ERICH5: variants seen among roughly 807,000 people sequenced by gnomAD.
The protein encoded by ERICH5 is glutamate-rich protein 5.
In ERICH5, 24 loss-of-function variants were observed where a neutral mutation model predicts 28.0. The observed-to-expected ratio is 0.86, with a 90% CI of 0.62 to 1.21. ERICH5 has a LOEUF of 1.21. Among genes scored for constraint, ERICH5 ranks in the 50% most tolerant of loss-of-function variants. The pLI, the probability that ERICH5 is intolerant of heterozygous loss-of-function variation, is 0.00. For missense variants in ERICH5, 421 were observed against 441.2 expected (o/e 0.95, Z 0.41); for synonymous variants, 163 against 157.6 (o/e 1.03, Z -0.25).
Position 98,093,302 on chromosome 8 carries a change from G to A in ERICH5, c.1094G>A (p.Gly365Glu), listed in dbSNP as rs1237155656. ...EGAETKEEET[G>E]EVVDLSAAT is the part of the protein sequence containing the mutation. ...GCTGAAACCAAAGAAGAAGAAACAGGAGAAGTGGTGGACCTTTCAGCAGCC... is the reference window on the plus strand; with the variant it reads ...GCTGAAACCAAAGAAGAAGAAACAGAAGAAGTGGTGGACCTTTCAGCAGCC... The change falls in exon 3 of 3, where the codon GGA becomes GAA. Residue 365 changes from glycine to glutamate, a missense_variant. Gly to Glu is a moderately conservative substitution (Grantham distance 98). Coordinates refer to ENST00000318528, the MANE Select transcript of ERICH5 (RefSeq NM_173549.3). 6.2e-7 allele frequency: 1 copy of A among 1,613,912 alleles called. No homozygotes were observed. Among genetic ancestry groups the A allele is most frequent in the Admixed American group, 1.7e-5 (1 of 60,008 alleles).
chr8:98,085,376 G>A (rs28649684), intron 1 of ERICH5, among the ~76,000 whole-genome samples: 16,444 of 151,558 alleles, frequency 0.11, 1,021 homozygotes, highest in East Asian at 0.26. Flanking sequence ...TGTTAGCCAG[G>A]ATGGTCTCGA....
chr8:98,089,973 C>T lies in ERICH5; in HGVS notation c.956C>T (p.Ala319Val). 6.2e-7 allele frequency: 1 copy of T among 1,613,988 alleles called. No homozygotes were observed. The highest frequency in any genetic ancestry group is 8.5e-7 in the Non-Finnish European group (1 of 1,180,008). ...CCAGCACGAAATGTAGAGGCAGGAG[C>T]ATATGTGGAAATGATCAGGAACATC... Reference protein sequence around the residue: ...EHPARNVEAGAYVEMIRNIHT... With the variant: ...EHPARNVEAGVYVEMIRNIHT... The change falls in exon 2 of 3, where the codon GCA becomes GTA. Residue 319 changes from alanine to valine, a missense_variant. Ala to Val is a moderately conservative substitution (Grantham distance 64). Transcript: ENST00000318528.
chr8:98,068,386 G>A (rs991042500), intron 1 of ERICH5, among the ~76,000 whole-genome samples: 1 of 152,200 alleles, frequency 6.6e-6, no homozygotes, highest in Non-Finnish European at 1.5e-5. Context: ...GCTCCTCACA[G>A]CGTAGAACAG....
intron 1 of ERICH5, among the ~76,000 whole-genome samples, chr8:98,086,118 T>C (rs1448114464): frequency 6.6e-6 from 1 of 152,176 alleles, no homozygotes; most frequent in Non-Finnish European, 1.5e-5. Flanking sequence ...TTTTGTGCCT[T>C]CCTGAAAAAC....
chr8:98,065,680 A>T (rs1814806845), intron 1 of ERICH5, among the ~76,000 whole-genome samples: 1 of 152,234 alleles, frequency 6.6e-6, no homozygotes. Flanking sequence ...CACTTTTCTT[A>T]GATTTTGAAT....
intron 1 of ERICH5, among the ~76,000 whole-genome samples, chr8:98,085,774 A>G (rs567461029): frequency 1.3e-4 from 20 of 152,254 alleles, no homozygotes; most frequent in African/African-American, 4.6e-4. Context: ...CAGCCGCACT[A>G]TCCTTTCCTG....
intron 1 of ERICH5, among the ~76,000 whole-genome samples, chr8:98,065,777 A>G (rs1266254953): frequency 6.6e-6 from 1 of 152,060 alleles, no homozygotes; most frequent in East Asian, 1.9e-4. Context: ...TTTAGCGGGG[A>G]TTTTGTACTG....
Position 98,093,259 on chromosome 8 carries a change from G to A in ERICH5, c.1051G>A (p.Glu351Lys), listed in dbSNP as rs1404789250. 2.5e-6 allele frequency: 4 copies of A among 1,614,088 alleles called. No individual in the cohort carries two copies. The highest frequency in any genetic ancestry group is 4.5e-5 in the East Asian group (2 of 44,874). Reference protein sequence around the residue: ...GEKVETDMENEKVSEGAETKE... With the variant: ...GEKVETDMENKKVSEGAETKE... ...AAAGGTGGAAACAGACATGGAGAAT[G>A]AGAAAGTGAGTGAAGGGGCTGAAAC... Residue 351 changes from glutamate (E) to lysine (K), a missense_variant, in exon 3 of 3, where the codon GAG becomes AAG. Physicochemically the swap from Glu to Lys is moderately conservative, Grantham distance 56. Coordinates refer to ENST00000318528, the MANE Select transcript of ERICH5 (RefSeq NM_173549.3).
intron 1 of ERICH5, among the ~76,000 whole-genome samples, chr8:98,074,133 G>A (rs1563753793): frequency 6.6e-6 from 1 of 151,656 alleles, no homozygotes; most frequent in Non-Finnish European, 1.5e-5. Context: ...CTGGACTCAA[G>A]GTATCCGCCT....
At position 98,082,632 on chromosome 8, in the gene ERICH5, C is replaced by G. The variant is rs368934340; in HGVS notation, c.59-6444C>G. Reference sequence around the variant, plus strand: ...TGCACTCCAGCCTGGGCAGTAAGAGCAAAACTCCATCTCAAAAAAAAAAAA... The same window carrying G: ...TGCACTCCAGCCTGGGCAGTAAGAGGAAAACTCCATCTCAAAAAAAAAAAA... On this transcript the variant is annotated intron_variant, in intron 1 of 2. Coordinates refer to ENST00000318528, the MANE Select transcript of ERICH5 (RefSeq NM_173549.3). Among the ~76,000 whole-genome samples the G allele has an allele frequency of 2.5e-5, 3 of 119,384 alleles. No homozygotes were observed. In the East Asian group the frequency reaches 6.8e-4, roughly 27 times the overall value. The allele number at this position is 119,384 out of a possible 152,430, so 78.3% of individuals were successfully genotyped here. A position where few individuals can be genotyped will look rare whatever the true frequency, so the allele number is the denominator to read the frequency against.
chr8:98,066,282 A>G (rs564759567), intron 1 of ERICH5, among the ~76,000 whole-genome samples: 3 of 152,208 alleles, frequency 2.0e-5, no homozygotes, highest in African/African-American at 7.2e-5. Context: ...AGCCGAGGGA[A>G]AACAGATGCT....
chr8:98,084,382 TTTTG>T (rs1290505048), intron 1 of ERICH5, among the ~76,000 whole-genome samples: 5 of 152,148 alleles, frequency 3.3e-5, no homozygotes, highest in African/African-American at 9.6e-5. Flanking sequence ...AGCGGGAGTA[TTTTG>T]TTTGTTTGTT....
At position 98,092,025 on chromosome 8, in the gene ERICH5, T is replaced by TCC. The variant is rs58823485; in HGVS notation, c.1013-1196_1013-1195insCC. On this transcript the variant is annotated intron_variant, in intron 2 of 2. Coordinates refer to ENST00000318528, the MANE Select transcript of ERICH5 (RefSeq NM_173549.3). ...TTCCTTCCTTCCTTCCTTCCTTCCT[T>TCC]TCGAGACAAGATCTTCAAGCTGGAG... Among the ~76,000 whole-genome samples, 796 of 146,334 alleles carry TCC rather than the reference T, an allele frequency of 5.4e-3. 20 individuals are homozygous for TCC. Among genetic ancestry groups the TCC allele is most frequent in the Non-Finnish European group, 7.8e-3 (520 of 66,538 alleles).
intron 1 of ERICH5, among the ~76,000 whole-genome samples, chr8:98,070,144 C>A (rs535948189): frequency 6.6e-6 from 1 of 152,096 alleles, no homozygotes; most frequent in South Asian, 2.1e-4. Context: ...GACTCCAAAG[C>A]CCCTGTTCTT....
intron 1 of ERICH5, among the ~76,000 whole-genome samples, chr8:98,069,831 T>C (rs1344718618): frequency 3.3e-5 from 5 of 152,218 alleles, no homozygotes. Flanking sequence ...TCATCAACAA[T>C]AAAGTAAATC....
chr8:98,089,178 T>A lies in ERICH5; in HGVS notation c.161T>A (p.Val54Glu), dbSNP rs369476819. 38 of 1,614,062 alleles carry A rather than the reference T, an allele frequency of 2.4e-5. No individual in the cohort carries two copies. The highest frequency in any genetic ancestry group is 2.9e-5 in the Non-Finnish European group (34 of 1,180,024). The change falls in exon 2 of 3, where the codon GTA (valine) becomes GAA (glutamate). Residue 54 changes from valine to glutamate, a missense_variant. Coordinates refer to ENST00000318528, the MANE Select transcript of ERICH5 (RefSeq NM_173549.3). ...AGAGAATCTACTGTTGATGGCAATG[T>A]ACAAAGGGAAAGCCGTCCTCCCTTA... is the stretch of plus-strand genomic sequence containing the variant. ...LGRESTVDGN[V>E]QRESRPPLQK...
At chr8:98,082,429 T>G (rs1236496361) in intron 1 of ERICH5, among the ~76,000 whole-genome samples, 2 of 152,094 alleles carry the variant, frequency 1.3e-5, no homozygotes, top group African/African-American at 2.4e-5. Context: ...GTGGATCACC[T>G]GAGGTCGGGA....
chr8:98,081,921 TTCG>T (rs1422783083), intron 1 of ERICH5, among the ~76,000 whole-genome samples: 1 of 150,380 alleles, frequency 6.6e-6, no homozygotes, highest in African/African-American at 2.4e-5. Context: ...AGAATGAAAC[TTCG>T]TCTAAAAAAA....
chr8:98,085,716 T>G (rs1815264431), intron 1 of ERICH5, among the ~76,000 whole-genome samples: 1 of 152,194 alleles, frequency 6.6e-6, no homozygotes. Flanking sequence ...CTAAACTCTT[T>G]AGCACCACCT....
Sources: allele counts gnomAD v4.1 joint callset (sites outside exome capture counted in the v4.1 genomes callset), GRCh38; gene constraint gnomAD v4.1.1; transcripts MANE v1.5; gene names NCBI Gene and HGNC (gene_info 2026-07-23, HGNC 2026-07-21).